SUPT3H: variants seen among roughly 807,000 people sequenced by gnomAD.
SUPT3H encodes the protein transcription initiation protein SPT3 homolog.
SUPT3H carries 44 observed loss-of-function variants against 44.3 expected under a neutral mutation model. That is an observed-to-expected ratio of 0.99 (90% CI 0.78 to 1.28). The LOEUF (loss-of-function observed/expected upper bound fraction) is 1.28, where lower values mean the gene tolerates loss of function less well. Among genes scored for constraint, SUPT3H ranks in the 50% most tolerant of loss-of-function variants. SUPT3H has a pLI of 0.00. For synonymous variants in SUPT3H, 124 were observed against 125.6 expected (o/e 0.99, Z 0.09); for missense variants, 380 against 387.1 (o/e 0.98, Z 0.15).
intron 10 of SUPT3H, among the ~76,000 whole-genome samples, chr6:44,869,669 G>A (rs370501673): frequency 7.2e-4 from 110 of 152,244 alleles, no homozygotes; most frequent in African/African-American, 2.6e-3. Context: ...AACCTGCCCC[G>A]AATCCCTTGC....
intron 3 of SUPT3H, among the ~76,000 whole-genome samples, chr6:45,073,603 G>A (rs1449450520): frequency 6.6e-6 from 1 of 151,888 alleles, no homozygotes; most frequent in African/African-American, 2.4e-5. Context: ...ATTTTATATA[G>A]AATAGTCACT....
intron 7 of SUPT3H, among the ~76,000 whole-genome samples, chr6:44,960,233 C>G (rs192485631): frequency 1.3e-5 from 2 of 151,598 alleles, no homozygotes; most frequent in Non-Finnish European, 1.5e-5. Context: ...ATAGTGAAAC[C>G]CCGTGTCTAT....
rs1785540157 is a variant in SUPT3H, at chr6:45,321,817, G to T, written c.101+43384C>A. On this transcript the variant is annotated intron_variant, in intron 2 of 10. Coordinates refer to ENST00000371459, the MANE Select transcript of SUPT3H (RefSeq NM_003599.4). ...TTACCTGCCAGAATCATTCAGCAGT[G>T]GAAGGATATTGTGATAACAATAGGG... 10 of 1,605,724 alleles carry T rather than the reference G, an allele frequency of 6.2e-6. No individual in the cohort carries two copies. In the South Asian group the frequency reaches 1.0e-4, roughly 16 times the overall value.
chr6:45,328,608 T>C, intron 2 of SUPT3H: 2 of 1,607,180 alleles, frequency 1.2e-6, no homozygotes, highest in Non-Finnish European at 1.7e-6. Flanking sequence ...GTCTATGTAC[T>C]CCAGGCATAC....
At chr6:45,206,099 C>T (rs1763186852) in intron 2 of SUPT3H, among the ~76,000 whole-genome samples, 1 of 152,036 alleles carries the variant, frequency 6.6e-6, no homozygotes, top group Admixed American at 6.6e-5. Flanking sequence ...TTCATTTAAC[C>T]AGCATTTAGC....
chr6:44,952,677 T>C (rs998194186), intron 9 of SUPT3H, among the ~76,000 whole-genome samples: 1 of 152,242 alleles, frequency 6.6e-6, no homozygotes, highest in African/African-American at 2.4e-5. Flanking sequence ...TGCAATACAT[T>C]TCTGGTTTTG....
At chr6:45,245,689 T>C (rs1408644901) in intron 2 of SUPT3H, among the ~76,000 whole-genome samples, 1 of 152,156 alleles carries the variant, frequency 6.6e-6, no homozygotes. Context: ...CATCCACTGA[T>C]GGACATGTTG....
At position 44,891,636 on chromosome 6, in the gene SUPT3H, A is replaced by C. The variant is rs528851005; in HGVS notation, c.912+41017T>G. Among the ~76,000 whole-genome samples the C allele has an allele frequency of 6.6e-4, 101 of 152,140 alleles. 1 individual carries two copies. Among genetic ancestry groups the C allele is most frequent in the South Asian group, 5.4e-3 (26 of 4,820 alleles). Reference sequence around the variant, plus strand: ...GGTTGTTATTGCTTAATGGGTACAGAGTTTCTGTTTGGGATGATAAAATAT... The same window carrying C: ...GGTTGTTATTGCTTAATGGGTACAGCGTTTCTGTTTGGGATGATAAAATAT... On this transcript the variant is annotated intron_variant, in intron 10 of 10. Transcript: ENST00000371459.
chr6:45,325,772 T>G (rs1484188151), intron 2 of SUPT3H, among the ~76,000 whole-genome samples: 3 of 151,964 alleles, frequency 2.0e-5, no homozygotes, highest in Non-Finnish European at 4.4e-5. Context: ...TGTAGTAAGC[T>G]ATTTCTAATG....
intron 10 of SUPT3H, chr6:44,898,900 G>C (rs1036382791): frequency 1.3e-5 from 2 of 152,270 alleles, no homozygotes; most frequent in African/African-American, 4.8e-5. Context: ...ATTGACATCA[G>C]AGGCAACTGA....
chr6:45,011,704 T>C (rs1783512341), intron 5 of SUPT3H, among the ~76,000 whole-genome samples: 3 of 152,220 alleles, frequency 2.0e-5, no homozygotes, highest in African/African-American at 7.2e-5. Context: ...TACTTAATTA[T>C]CTTTATAAAT....
chr6:44,956,708 G>A (rs1373705938), intron 7 of SUPT3H, among the ~76,000 whole-genome samples: 1 of 152,046 alleles, frequency 6.6e-6, no homozygotes, highest in Non-Finnish European at 1.5e-5. Context: ...ACCTGGCCTT[G>A]AGTCTTTTCC....
intron 2 of SUPT3H, among the ~76,000 whole-genome samples, chr6:45,313,853 A>G (rs1202090292): frequency 6.6e-6 from 1 of 152,130 alleles, no homozygotes; most frequent in Non-Finnish European, 1.5e-5. Flanking sequence ...AGAAAACTAC[A>G]GACCGATATC....
intron 2 of SUPT3H, among the ~76,000 whole-genome samples, chr6:45,342,948 T>C (rs559914386): frequency 6.6e-6 from 1 of 152,292 alleles, no homozygotes; most frequent in African/African-American, 2.4e-5. Context: ...TAAGTTTAAA[T>C]TCCAGTTATA....
intron 2 of SUPT3H, among the ~76,000 whole-genome samples, chr6:45,177,313 G>T (rs907437459): frequency 2.0e-5 from 3 of 152,160 alleles, no homozygotes; most frequent in African/African-American, 7.2e-5. Context: ...GGAAGAAAGG[G>T]TATCAGTGAT....
At chr6:44,866,533 A>T (rs1373204102) in intron 10 of SUPT3H, among the ~76,000 whole-genome samples, 1 of 152,082 alleles carries the variant, frequency 6.6e-6, no homozygotes, top group African/African-American at 2.4e-5. Context: ...AAAATAAAAA[A>T]AAAAACATAA....
chr6:45,096,918 T>G (rs1562451677), intron 3 of SUPT3H, among the ~76,000 whole-genome samples: 1 of 152,118 alleles, frequency 6.6e-6, no homozygotes, highest in African/African-American at 2.4e-5. Context: ...AGATAATAGC[T>G]AGAAATAGTC....
intron 10 of SUPT3H, among the ~76,000 whole-genome samples, chr6:44,914,632 T>C (rs1328192702): frequency 1.3e-5 from 2 of 152,208 alleles, no homozygotes; most frequent in African/African-American, 4.8e-5. Context: ...TGTACATTTA[T>C]ATAAGGCACA....
At chr6:45,115,451 C>T (rs1274905561) in intron 2 of SUPT3H, among the ~76,000 whole-genome samples, 3 of 152,026 alleles carry the variant, frequency 2.0e-5, no homozygotes, top group East Asian at 1.9e-4. Flanking sequence ...ATTTGCAATA[C>T]ATGTTACCAT....
Sources: allele counts gnomAD v4.1 joint callset (sites outside exome capture counted in the v4.1 genomes callset), GRCh38; gene constraint gnomAD v4.1.1; transcripts MANE v1.5; gene names NCBI Gene and HGNC (gene_info 2026-07-23, HGNC 2026-07-21).